Variants in JAKMIP3 observed in about 807,000 individuals in gnomAD.
JAKMIP3 encodes the protein janus kinase and microtubule-interacting protein 3.
A neutral mutation model predicts 118.5 loss-of-function variants in JAKMIP3; 58 were observed. The ratio of observed to expected loss-of-function variants is 0.49; its 90% CI spans 0.40 to 0.61. The LOEUF is 0.61. Among genes scored for constraint, JAKMIP3 ranks in the 20% least tolerant of loss-of-function variants. The pLI is 0.00. For missense variants in JAKMIP3, 950 were observed against 1,109.0 expected (o/e 0.86, Z 2.04); for synonymous variants, 486 against 451.2 (o/e 1.08, Z -0.98).
intron 13 of JAKMIP3, among the ~76,000 whole-genome samples, chr10:132,146,690 G>A (rs970411644): frequency 5.9e-5 from 9 of 152,342 alleles, no homozygotes; most frequent in South Asian, 2.1e-4. Context: ...AAACAGAGGC[G>A]TCCAATGCAG....
chr10:132,139,872 G>A (rs995274200), intron 9 of JAKMIP3, among the ~76,000 whole-genome samples: 3 of 152,094 alleles, frequency 2.0e-5, no homozygotes, highest in Non-Finnish European at 4.4e-5. Context: ...AGAAGATGGC[G>A]GGCTTTCCAT....
At chr10:132,098,845 G>A (rs948227757) in intron 1 of JAKMIP3, among the ~76,000 whole-genome samples, 4 of 152,230 alleles carry the variant, frequency 2.6e-5, no homozygotes, top group African/African-American at 9.6e-5. Flanking sequence ...GGAGCCGGGG[G>A]TGAAGTCCTG....
intron 9 of JAKMIP3, 145 bp downstream of exon 9, chr10:132,138,323 C>T (rs2052343070): frequency 2.9e-6 from 2 of 696,420 alleles, no homozygotes; most frequent in Admixed American, 2.3e-5. Flanking sequence ...TGCCGAGGAC[C>T]GCGCCCACGT....
chr10:132,065,502 C>T (rs1004017599), upstream of JAKMIP3, among the ~76,000 whole-genome samples: 1 of 152,062 alleles, frequency 6.6e-6, no homozygotes, highest in Non-Finnish European at 1.5e-5. The surrounding 1 kb of genome is among the most constrained non-coding windows in gnomAD (Gnocchi z 5.6). Context: ...GAGGGAAAGC[C>T]GGCCAGAACG....
At position 132,077,050 on chromosome 10, in the gene JAKMIP3, A is replaced by C. The variant is rs1314163686; in HGVS notation, c.-138+10989A>C. Among the ~76,000 whole-genome samples, 4 of 152,320 alleles carry C rather than the reference A, an allele frequency of 2.6e-5. No individual in the cohort carries two copies. The East Asian group carries it at 7.7e-4, about 29-fold the overall frequency. On this transcript the variant is annotated intron_variant, in intron 1 of 23. Transcript: ENST00000684848. ...GTGGCCCCAGGTCTGTGGTGGCCAC[A>C]CTGTCTTCAGGCAGCCTCCACCCCA...
intron 16 of JAKMIP3, 76 bp downstream of exon 16, chr10:132,150,117 C>A: frequency 1.7e-6 from 2 of 1,205,120 alleles, no homozygotes; most frequent in Admixed American, 2.3e-5. Context: ...GTCCAGGAGG[C>A]CCTGCCAGCC....
At position 132,168,152 on chromosome 10, in the gene JAKMIP3, C is replaced by T. The variant is rs1268763779; in HGVS notation, c.*222C>T. 3.1e-5 allele frequency: 40 copies of T among 1,285,628 alleles called. No individual in the cohort carries two copies. The East Asian group carries it at 3.9e-4, about 13-fold the overall frequency. 79.6% of individuals were successfully genotyped at this position (1,285,628 alleles called of 1,614,324 possible). ...GTGCCAGAACTAGAACTGGCTCTGCCGACTTCTCGGGGGCTTCTCCGGGAC... is the reference window on the plus strand; with the variant it reads ...GTGCCAGAACTAGAACTGGCTCTGCTGACTTCTCGGGGGCTTCTCCGGGAC... On this transcript the variant is annotated 3_prime_UTR_variant, in exon 23 of 24. Transcript: ENST00000684848.
Position 132,138,056 on chromosome 10 carries a change from C to T in JAKMIP3, c.1285-63C>T, listed in dbSNP as rs1428651794. ...AAATGATGGCACACGGGCAGTAAAC[C>T]GTGGACTGAAACCGGTGGAGCTGCT... is the stretch of plus-strand genomic sequence containing the variant. On this transcript the variant is annotated intron_variant, in intron 8 of 23. Transcript: ENST00000684848. 3.4e-6 allele frequency: 5 copies of T among 1,475,532 alleles called. No homozygotes were observed. In the Admixed American group the frequency reaches 5.5e-5, roughly 16 times the overall value. The allele number at this position is 1,475,532 out of a possible 1,614,324, so 91.4% of individuals were successfully genotyped here.
intron 14 of JAKMIP3, 82 bp from the exon 15 acceptor site, chr10:132,149,330 G>C: frequency 1.1e-6 from 1 of 897,722 alleles, no homozygotes; most frequent in South Asian, 1.6e-5. Flanking sequence ...GTCTTGGCCC[G>C]TGTTCCTCAG....
intron 1 of JAKMIP3, among the ~76,000 whole-genome samples, chr10:132,073,941 A>T (rs371891053): frequency 6.6e-6 from 1 of 152,246 alleles, no homozygotes; most frequent in African/African-American, 2.4e-5. Context: ...TCTTTGAGAA[A>T]TCTCCATACG....
chr10:132,106,891 CT>C (rs1359001457), intron 2 of JAKMIP3, among the ~76,000 whole-genome samples: 2 of 152,008 alleles, frequency 1.3e-5, no homozygotes, highest in Admixed American at 6.6e-5. Context: ...TAACAATTAT[CT>C]TTTTTTAAAA....
intron 3 of JAKMIP3, among the ~76,000 whole-genome samples, chr10:132,124,550 G>A (rs190239675): frequency 2.7e-5 from 4 of 147,932 alleles, no homozygotes; most frequent in East Asian, 2.0e-4. Flanking sequence ...CTGGCCAGCC[G>A]CATCGCACAC....
At chr10:132,037,825 G>C (rs1182118922) in intron 1 of JAKMIP3, among the ~76,000 whole-genome samples, 2 of 152,202 alleles carry the variant, frequency 1.3e-5, no homozygotes, top group African/African-American at 4.8e-5. Flanking sequence ...TGCCTGGGCC[G>C]CAGCGCAGGC....
intron 11 of JAKMIP3, chr10:132,143,644 G>C (rs1307616171): frequency 6.6e-6 from 1 of 152,232 alleles, no homozygotes; most frequent in Non-Finnish European, 1.5e-5. Context: ...AAAGATTAAT[G>C]AAGAAAATAG....
intron 1 of JAKMIP3, among the ~76,000 whole-genome samples, chr10:132,100,784 G>A (rs369253460): frequency 7.9e-5 from 12 of 151,248 alleles, no homozygotes; most frequent in East Asian, 7.8e-4. Context: ...CCTTTCTCTC[G>A]GCATGAGGAA....
At chr10:132,091,584 A>G (rs2043094478) in intron 1 of JAKMIP3, among the ~76,000 whole-genome samples, 1 of 152,140 alleles carries the variant, frequency 6.6e-6, no homozygotes, top group Non-Finnish European at 1.5e-5. Flanking sequence ...ATCAGAGACT[A>G]GGATTGCAAC....
intron 1 of JAKMIP3, among the ~76,000 whole-genome samples, chr10:132,098,148 G>A (rs956513510): frequency 6.6e-6 from 1 of 151,410 alleles, no homozygotes; most frequent in African/African-American, 2.4e-5. Flanking sequence ...CGATCCTCCC[G>A]CCTCAGCCTC....
chr10:132,075,786 G>T lies in JAKMIP3; in HGVS notation c.-138+9725G>T, dbSNP rs77616395. Among the ~76,000 whole-genome samples the T allele has an allele frequency of 3.3e-5, 5 of 152,030 alleles. No homozygotes were observed. In the East Asian group the frequency reaches 9.6e-4, roughly 29 times the overall value. On this transcript the variant is annotated intron_variant, in intron 1 of 23. Transcript: ENST00000684848. ...TTCATAATCTCTTATCCTTCCAAAT[G>T]AATAAAAATAAAAAAGTCTTTTTAT...
intron 1 of JAKMIP3, among the ~76,000 whole-genome samples, chr10:132,080,625 G>A (rs749383222): frequency 6.9e-6 from 1 of 144,428 alleles, no homozygotes; most frequent in Non-Finnish European, 1.5e-5. Flanking sequence ...AGGTTCAAGC[G>A]ATTCTCCTGT....
Sources: gnomAD v4.1 joint callset for allele counts (sites outside exome capture counted in the v4.1 genomes callset) on GRCh38, gnomAD v4.1.1 for gene constraint, Gnocchi (gnomAD v3.1) non-coding constraint, MANE v1.5 for transcripts, NCBI Gene and HGNC (gene_info 2026-07-23, HGNC 2026-07-21) for gene names.